The following CACNG3 variants were observed in gnomAD, a reference collection of about 807,000 sequenced individuals.
The protein encoded by CACNG3 is voltage-dependent calcium channel gamma-3 subunit.
CACNG3 carries 3 observed loss-of-function variants against 28.5 expected under a neutral mutation model. The ratio of observed to expected loss-of-function variants is 0.11; its 90% CI spans 0.05 to 0.27. The LOEUF is 0.27. CACNG3 is among the 10% of genes least tolerant of loss of function. CACNG3 has a pLI of 1.00. For synonymous variants in CACNG3, 174 were observed against 162.2 expected (o/e 1.07, Z -0.55); for missense variants, 236 against 414.4 (o/e 0.57, Z 3.74).
chr16:24,274,048 T>C (rs958860697), intron 1 of CACNG3, among the ~76,000 whole-genome samples: 4 of 151,820 alleles, frequency 2.6e-5, no homozygotes, highest in Non-Finnish European at 5.9e-5. Flanking sequence ...TTAGCCAGGC[T>C]TGGTGGTGCA....
chr16:24,334,609 G>A (rs1226325812), intron 1 of CACNG3, among the ~76,000 whole-genome samples: 3 of 152,208 alleles, frequency 2.0e-5, no homozygotes, highest in South Asian at 4.1e-4. Flanking sequence ...TCTCCCTTCA[G>A]GACTGCAAAC....
chr16:24,317,617 AG>A (rs1567217482), intron 1 of CACNG3, among the ~76,000 whole-genome samples: 4 of 69,818 alleles, frequency 5.7e-5, no homozygotes, highest in Non-Finnish European at 8.5e-5. Context: ...AAAGAAAGAA[AG>A]AAAGAAAGAC....
intron 1 of CACNG3, among the ~76,000 whole-genome samples, chr16:24,269,746 C>CAAAAAAAAA (rs1163565728): frequency 5.4e-4 from 38 of 71,000 alleles, no homozygotes; most frequent in East Asian, 7.7e-4. Flanking sequence ...GACTCCATCT[C>CAAAAAAAAA]AAAAAAAAAA....
intron 1 of CACNG3, among the ~76,000 whole-genome samples, chr16:24,260,859 T>C (rs1195220410): frequency 6.6e-6 from 1 of 152,174 alleles, no homozygotes; most frequent in Non-Finnish European, 1.5e-5. Context: ...ATTCACAAAG[T>C]AGAGCCCTAA....
intron 1 of CACNG3, among the ~76,000 whole-genome samples, chr16:24,295,348 T>C (rs1053002458): frequency 2.0e-5 from 3 of 152,134 alleles, no homozygotes; most frequent in African/African-American, 7.2e-5. Flanking sequence ...GAAACCCCAA[T>C]ACATTCTCAA....
intron 2 of CACNG3, among the ~76,000 whole-genome samples, chr16:24,352,153 C>A (rs1386971229): frequency 6.6e-6 from 1 of 151,722 alleles, no homozygotes; most frequent in East Asian, 2.0e-4. Flanking sequence ...ACTGAAAACA[C>A]AAACAAGCAA....
At chr16:24,266,234 T>C (rs1440382844) in intron 1 of CACNG3, among the ~76,000 whole-genome samples, 4 of 152,092 alleles carry the variant, frequency 2.6e-5, no homozygotes, top group Admixed American at 2.6e-4. Flanking sequence ...TAGATAAGTT[T>C]GACAGTAGAC....
intron 1 of CACNG3, among the ~76,000 whole-genome samples, chr16:24,312,541 C>G (rs1278562801): frequency 6.6e-6 from 1 of 152,106 alleles, no homozygotes; most frequent in Non-Finnish European, 1.5e-5. Context: ...TCTGGCCAGG[C>G]ACGGTGGCTC....
chr16:24,293,035 G>T (rs1181066204), intron 1 of CACNG3, among the ~76,000 whole-genome samples: 2 of 152,214 alleles, frequency 1.3e-5, no homozygotes, highest in African/African-American at 4.8e-5. Flanking sequence ...ACAGACACCT[G>T]ACTCTTGGGA....
intron 1 of CACNG3, among the ~76,000 whole-genome samples, chr16:24,285,541 T>C (rs1375098627): frequency 2.0e-5 from 3 of 152,120 alleles, no homozygotes; most frequent in Non-Finnish European, 4.4e-5. Context: ...TTTGTTTAAA[T>C]TAAATCAGAG....
intron 1 of CACNG3, among the ~76,000 whole-genome samples, chr16:24,286,983 C>T (rs966153844): frequency 6.6e-6 from 1 of 152,206 alleles, no homozygotes; most frequent in Non-Finnish European, 1.5e-5. Flanking sequence ...CCAGGAAGTA[C>T]CTTCCCTATT....
rs532450271 is a variant in CACNG3 at position 24,355,612 on chromosome 16, T to C, written c.436+639T>C. Among the ~76,000 whole-genome samples the C allele has an allele frequency of 4.6e-5, 7 of 152,264 alleles. No homozygotes were observed. The East Asian group carries it at 1.4e-3, about 29-fold the overall frequency. On this transcript the variant is annotated intron_variant, in intron 3 of 3. Transcript: ENST00000005284. ...AAATAAATAAGTAAATGTAAAAATA[T>C]ACAGCTGCATTTTTGTGTTCACTTG...
At chr16:24,298,488 T>C (rs1899063058) in intron 1 of CACNG3, among the ~76,000 whole-genome samples, 1 of 152,226 alleles carries the variant, frequency 6.6e-6, no homozygotes, top group South Asian at 2.1e-4. Flanking sequence ...GATTATAGTA[T>C]ATTTTTAAAT....
chr16:24,321,535 G>C (rs1446663790), intron 1 of CACNG3, among the ~76,000 whole-genome samples: 1 of 152,224 alleles, frequency 6.6e-6, no homozygotes, highest in African/African-American at 2.4e-5. Flanking sequence ...CAGTGCTTGT[G>C]TTTAAGTAAC....
chr16:24,301,079 C>T (rs1899103184), intron 1 of CACNG3, among the ~76,000 whole-genome samples: 1 of 148,756 alleles, frequency 6.7e-6, no homozygotes, highest in South Asian at 2.1e-4. Flanking sequence ...GGCGTGGTGG[C>T]ACACACCTGT....
chr16:24,358,228 G>T (rs372677444), intron 3 of CACNG3, among the ~76,000 whole-genome samples: 1 of 152,254 alleles, frequency 6.6e-6, no homozygotes. Flanking sequence ...CTACGTGTCA[G>T]ATACTATGCA....
chr16:24,305,318 ATATGTGTGTGTGTGTGTG>A (rs1899170882), intron 1 of CACNG3, among the ~76,000 whole-genome samples: 2 of 118,406 alleles, frequency 1.7e-5, no homozygotes, highest in South Asian at 6.0e-4. Context: ...ATATACATAA[ATATGTGTGTGTGTGTGTG>A]TGTGTGTGTG....
rs114405080 is a variant in CACNG3 at position 24,291,180 on chromosome 16, T to C, written c.211+34215T>C. Among the ~76,000 whole-genome samples, 296 of 152,306 alleles carry C rather than the reference T, an allele frequency of 1.9e-3. 3 individuals carry two copies. The highest frequency in any genetic ancestry group is 6.7e-3 in the African/African-American group (280 of 41,572). ...ATGGCTGATAAAGCATTTAGCTTAG[T>C]TTTGGCACATAGTTAGCCCTCAATA... On this transcript the variant is annotated intron_variant, in intron 1 of 3. Coordinates refer to ENST00000005284, the MANE Select transcript of CACNG3 (RefSeq NM_006539.4).
At chr16:24,348,628 C>T (rs998845294) in intron 2 of CACNG3, among the ~76,000 whole-genome samples, 2 of 152,164 alleles carry the variant, frequency 1.3e-5, no homozygotes, top group Non-Finnish European at 2.9e-5. Context: ...TCACCCCTCA[C>T]ATCAGCAGCT....
Sources: allele counts gnomAD v4.1 joint callset (sites outside exome capture counted in the v4.1 genomes callset), GRCh38; gene constraint gnomAD v4.1.1; transcripts MANE v1.5; gene names NCBI Gene and HGNC (gene_info 2026-07-23, HGNC 2026-07-21).